Variants in SAMD12 observed in about 807,000 individuals in gnomAD.
SAMD12 encodes the protein sterile alpha motif domain containing 12, also known as sterile alpha motif domain-containing protein 12.
Under a neutral mutation model 15.0 loss-of-function variants are expected in SAMD12, and 9 were observed. The observed-to-expected ratio is 0.60, with a 90% confidence interval of 0.36 to 1.05. The LOEUF (loss-of-function observed/expected upper bound fraction) is 1.05. Ranked by LOEUF, SAMD12 falls within the 50% of genes least tolerant of loss-of-function variation. The probability of loss-of-function intolerance (pLI) is 0.01; values close to 1 mark genes in which losing one functional copy is unlikely to be tolerated. For missense variants in SAMD12, 230 were observed against 234.2 expected (o/e 0.98, Z 0.12); for synonymous variants, 86 against 90.1 (o/e 0.96, Z 0.25).
At chr8:118,191,799 TATATATATATATAGAGAG>T (rs1563686576) in exon 5 of SAMD12, 7 of 42,132 alleles carry the variant, frequency 1.7e-4, no homozygotes, top group African/African-American at 4.1e-4. Flanking sequence ...TATATATATA[TATATATATATATAGAGAG>T]AGAGAGAGAG....
chr8:118,410,220 A>G (rs1821342712), intron 3 of SAMD12, among the ~76,000 whole-genome samples: 1 of 152,222 alleles, frequency 6.6e-6, no homozygotes, highest in South Asian at 2.1e-4. Context: ...TGATAAACAA[A>G]TGAAAATGCA....
chr8:118,306,654 A>G (rs1051840273), intron 4 of SAMD12, among the ~76,000 whole-genome samples: 7 of 152,086 alleles, frequency 4.6e-5, no homozygotes, highest in African/African-American at 1.7e-4. Flanking sequence ...TACCTCTGCA[A>G]TTTTACATGA....
chr8:118,300,632 A>G (rs1230974692), intron 4 of SAMD12, among the ~76,000 whole-genome samples: 1 of 152,230 alleles, frequency 6.6e-6, no homozygotes, highest in African/African-American at 2.4e-5. Context: ...AATAAAATTC[A>G]TAGGCTCCAA....
intron 2 of SAMD12, among the ~76,000 whole-genome samples, chr8:118,512,503 C>A (rs970166792): frequency 3.9e-5 from 6 of 152,034 alleles, no homozygotes; most frequent in African/African-American, 9.7e-5. Flanking sequence ...TAAGGTCATG[C>A]CAGATACTCA....
chr8:118,608,608 ATTC>A (rs1418602191), intron 1 of SAMD12, among the ~76,000 whole-genome samples: 20 of 152,134 alleles, frequency 1.3e-4, no homozygotes, highest in Middle Eastern at 3.4e-3. Flanking sequence ...GGTTCAAGCA[ATTC>A]TTCTGCCTCA....
At chr8:118,332,044 A>C (rs980222275) in intron 4 of SAMD12, among the ~76,000 whole-genome samples, 1 of 152,158 alleles carries the variant, frequency 6.6e-6, no homozygotes, top group African/African-American at 2.4e-5. Flanking sequence ...GGGGTGGGGG[A>C]AAGGAATCAA....
At position 118,217,513 on chromosome 8, in the gene SAMD12, C is replaced by G. The variant is rs567151806; in HGVS notation, c.434-19781G>C. Among the ~76,000 whole-genome samples the G allele has an allele frequency of 7.2e-5, 11 of 152,180 alleles. No homozygotes were observed. The East Asian group carries it at 2.1e-3, about 29-fold the overall frequency. On this transcript the variant is annotated intron_variant, in intron 4 of 4. Transcript: ENST00000409003. ...AAATATTTGGAAGAAAAGACAATATCTTTACAGAAAAATAATTAACAGTAT... is the reference window on the plus strand; with the variant it reads ...AAATATTTGGAAGAAAAGACAATATGTTTACAGAAAAATAATTAACAGTAT...
the SAMD12 span, among the ~76,000 whole-genome samples, chr8:118,133,198 C>T: frequency 6.6e-6 from 1 of 151,268 alleles, no homozygotes; most frequent in Non-Finnish European, 1.5e-5. Context: ...TAAAATATGA[C>T]CATGTAAGTC....
chr8:118,293,804 T>C lies in SAMD12; in HGVS notation c.433+85756A>G, dbSNP rs186085291. Among the ~76,000 whole-genome samples, 7 of 152,256 alleles carry C rather than the reference T, an allele frequency of 4.6e-5. No homozygotes were observed. In the East Asian group the frequency reaches 1.4e-3, roughly 30 times the overall value. The stretch of plus-strand genomic sequence containing the variant: ...CCCAACTCCTTTCATAACCAGTCTG[T>C]TGGCAAAACCTGATTCCCATTGATG... On this transcript the variant is annotated intron_variant, in intron 4 of 4. Transcript: ENST00000409003.
intron 3 of SAMD12, chr8:118,400,320 T>C (rs1820805188): frequency 6.6e-6 from 1 of 152,220 alleles, no homozygotes; most frequent in Admixed American, 6.5e-5. Flanking sequence ...TGACAAAGAC[T>C]TCGCAGCCAG....
At chr8:118,492,915 C>G (rs995879626) in intron 2 of SAMD12, among the ~76,000 whole-genome samples, 1 of 152,106 alleles carries the variant, frequency 6.6e-6, no homozygotes, top group South Asian at 2.1e-4. Flanking sequence ...CATTATCATA[C>G]CTTAAAATCT....
intron 4 of SAMD12, among the ~76,000 whole-genome samples, chr8:118,264,154 G>A (rs955006484): frequency 3.9e-5 from 6 of 152,066 alleles, no homozygotes; most frequent in African/African-American, 1.4e-4. Flanking sequence ...AAGGCAAATA[G>A]TTCCTGGATA....
At chr8:118,509,662 G>T (rs568189525) in intron 2 of SAMD12, among the ~76,000 whole-genome samples, 13 of 152,246 alleles carry the variant, frequency 8.5e-5, no homozygotes, top group East Asian at 7.7e-4. Flanking sequence ...TTGTATGGTG[G>T]AGTCTAGATT....
In SAMD12 at chr8:118,455,927, A is replaced by T. The variant is rs140784179; in HGVS notation, c.193-15966T>A. 2.1e-3 allele frequency among the ~76,000 whole-genome samples: 326 copies of T among 152,340 alleles called. 3 individuals carry two copies. The highest frequency in any genetic ancestry group is 7.5e-3 in the African/African-American group (311 of 41,574). On this transcript the variant is annotated intron_variant, in intron 2 of 3. Coordinates refer to ENST00000314727, the MANE Select transcript of SAMD12 (RefSeq NM_207506.3). ...TATTCCTTCCACCTCATTCAAAGGC[A>T]ACTATTTCTCACCTAGACTCTGGCA... is the stretch of plus-strand genomic sequence containing the variant.
intron 2 of SAMD12, among the ~76,000 whole-genome samples, chr8:118,574,929 C>A (rs1827110396): frequency 6.6e-6 from 1 of 152,192 alleles, no homozygotes; most frequent in South Asian, 2.1e-4. Context: ...CCCTAAATTG[C>A]AACAGACCTT....
chr8:118,176,321 G>GA, the SAMD12 span, among the ~76,000 whole-genome samples: 1 of 151,938 alleles, frequency 6.6e-6, no homozygotes, highest in African/African-American at 2.4e-5. Flanking sequence ...AAAAGAATAT[G>GA]AAAAAGAATA....
At chr8:118,417,992 C>T (rs1481563186) in intron 3 of SAMD12, among the ~76,000 whole-genome samples, 1 of 152,142 alleles carries the variant, frequency 6.6e-6, no homozygotes, top group Non-Finnish European at 1.5e-5. Context: ...ATATTCTTGG[C>T]TGGTGCACAG....
At chr8:118,182,496 A>T in the SAMD12 span, among the ~76,000 whole-genome samples, 1 of 152,152 alleles carries the variant, frequency 6.6e-6, no homozygotes, top group Non-Finnish European at 1.5e-5. Context: ...TGATCTTCTA[A>T]TGGTGCTACA....
intron 4 of SAMD12, among the ~76,000 whole-genome samples, chr8:118,249,016 T>C (rs995251080): frequency 6.6e-6 from 1 of 152,150 alleles, no homozygotes; most frequent in African/African-American, 2.4e-5. Flanking sequence ...CTGTGAATGC[T>C]CAAGTTCCTG....
Sources: allele counts gnomAD v4.1 joint callset (sites outside exome capture counted in the v4.1 genomes callset), GRCh38; gene constraint gnomAD v4.1.1; transcripts MANE v1.5; gene names NCBI Gene and HGNC (gene_info 2026-07-23, HGNC 2026-07-21).